WBP1L: variants seen among roughly 807,000 people sequenced by gnomAD.
The protein encoded by WBP1L is WW domain binding protein 1-like.
WBP1L carries 17 observed loss-of-function variants against 33.7 expected under a neutral mutation model. That is an observed-to-expected ratio of 0.50 (90% CI 0.34 to 0.76). The LOEUF is 0.76. Among genes scored for constraint, WBP1L ranks in the 30% least tolerant of loss-of-function variants. The pLI, the probability that WBP1L is intolerant of heterozygous loss-of-function variation, is 0.01. For missense variants in WBP1L, 389 were observed against 469.4 expected (o/e 0.83, Z 1.58); for synonymous variants, 173 against 190.8 (o/e 0.91, Z 0.77).
chr10:102,760,352 GTTTCTTTCTTTC>G (rs199961327), intron 1 of WBP1L, among the ~76,000 whole-genome samples: 3 of 139,470 alleles, frequency 2.2e-5, no homozygotes, highest in Non-Finnish European at 4.6e-5. Flanking sequence ...AGCCTTCCTT[GTTTCTTTCTTTC>G]TTTCTTTCTT....
intron 1 of WBP1L, chr10:102,744,474 G>A: frequency 1.0e-6 from 1 of 985,364 alleles, no homozygotes; most frequent in Non-Finnish European, 1.2e-6. Context: ...TGGAGCAGGT[G>A]TCCCAGGCAG....
intron 1 of WBP1L, among the ~76,000 whole-genome samples, chr10:102,792,603 T>C (rs552024309): frequency 6.7e-6 from 1 of 148,730 alleles, no homozygotes; most frequent in Admixed American, 6.7e-5. Context: ...TTTTTTTTTT[T>C]TTTTTTTTGA....
chr10:102,773,830 A>G (rs1047400637), intron 1 of WBP1L, among the ~76,000 whole-genome samples: 2 of 151,518 alleles, frequency 1.3e-5, no homozygotes, highest in Non-Finnish European at 2.9e-5. Context: ...GCCTAGGGTG[A>G]CAGAACAAAA....
At chr10:102,753,732 C>G (rs555418058) in intron 1 of WBP1L, among the ~76,000 whole-genome samples, 51 of 152,248 alleles carry the variant, frequency 3.3e-4, no homozygotes, top group Admixed American at 7.8e-4. Flanking sequence ...TTCAAGATCT[C>G]AGGTGTTTAA....
At chr10:102,745,525 C>T (rs1008336119) in intron 1 of WBP1L, among the ~76,000 whole-genome samples, 2 of 152,182 alleles carry the variant, frequency 1.3e-5, no homozygotes, top group African/African-American at 4.8e-5. Context: ...TTTATCTATT[C>T]TGGATATTTT....
intron 1 of WBP1L, among the ~76,000 whole-genome samples, chr10:102,774,246 G>A (rs138397145): frequency 2.4e-3 from 372 of 152,340 alleles, no homozygotes; most frequent in Non-Finnish European, 4.4e-3. Flanking sequence ...CTGGGCGGCT[G>A]TGCCTTGATG....
chr10:102,769,652 A>G (rs978360490), intron 1 of WBP1L, among the ~76,000 whole-genome samples: 13 of 152,312 alleles, frequency 8.5e-5, no homozygotes, highest in African/African-American at 3.1e-4. Context: ...TATGTGTCCA[A>G]GCCATTTTGG....
chr10:102,752,062 C>G (rs1441104350), intron 1 of WBP1L, among the ~76,000 whole-genome samples: 1 of 152,098 alleles, frequency 6.6e-6, no homozygotes, highest in Non-Finnish European at 1.5e-5. Flanking sequence ...TGTTCTATGT[C>G]TGAATTTAGG....
intron 1 of WBP1L, among the ~76,000 whole-genome samples, chr10:102,792,493 C>T (rs529881693): frequency 6.6e-6 from 1 of 152,180 alleles, no homozygotes; most frequent in East Asian, 1.9e-4. Flanking sequence ...TCTACTACTT[C>T]TACCATCTCC....
In WBP1L at chr10:102,743,956, GGAAAA is replaced by G; in HGVS notation, c.-94_-90del. ...GGAAGCGGGAGGGGAGCGTCAAACA[GGAAAA>G]GAAGGGAAGAAGGAAGAAGAGGGTA... On this transcript the variant is annotated 5_prime_UTR_variant, in exon 1 of 4. Transcript: ENST00000448841. 1.0e-6 allele frequency: 1 copy of G among 989,482 alleles called. No homozygotes were observed. Among genetic ancestry groups the G allele is most frequent in the Non-Finnish European group, 1.5e-6 (1 of 673,530 alleles). 61.3% of individuals were successfully genotyped at this position (989,482 alleles called of 1,614,324 possible).
In WBP1L at chr10:102,813,322, C is replaced by G. The variant is rs1005019726; in HGVS notation, c.1083C>G (p.Ser361=). 8 of 1,607,444 alleles carry G rather than the reference C, an allele frequency of 5.0e-6. No individual in the cohort carries two copies. The highest frequency in any genetic ancestry group is 6.0e-6 in the Non-Finnish European group (7 of 1,176,204). The stretch of plus-strand genomic sequence containing the variant: ...CTCCCAACTCCCAGAGCAGCAGCTC[C>G]CCCAGCTAGAGCAGGTCCTGCCAGC... ...QDSPNSQSSS[S]PS Residue 361 remains serine (S), a synonymous_variant, in exon 4 of 4, where the codon TCC becomes TCG. Coordinates refer to ENST00000448841, the MANE Select transcript of WBP1L (RefSeq NM_001083913.2).
At chr10:102,808,378 A>T (rs1277258948) in intron 2 of WBP1L, among the ~76,000 whole-genome samples, 4 of 152,226 alleles carry the variant, frequency 2.6e-5, no homozygotes, top group East Asian at 1.9e-4. Flanking sequence ...AAAAAAATTT[A>T]AAAGCCTTTT....
chr10:102,812,930 G>A lies in WBP1L; in HGVS notation c.691G>A (p.Ala231Thr). The change falls in exon 4 of 4, where the codon GCC becomes ACC. Residue 231 changes from alanine to threonine, a missense_variant. Ala to Thr is a moderately conservative substitution (Grantham distance 58, BLOSUM62 0). Coordinates refer to ENST00000448841, the MANE Select transcript of WBP1L (RefSeq NM_001083913.2). ...VAGLGELDPG[A>T]FLDKDAECRE... is the part of the protein sequence containing the mutation. Reference sequence around the variant, plus strand: ...TGGCCTGGGGGAGCTGGACCCGGGGGCCTTCCTGGACAAAGATGCAGAATG... The same window carrying A: ...TGGCCTGGGGGAGCTGGACCCGGGGACCTTCCTGGACAAAGATGCAGAATG... 1 of 1,593,966 alleles carries A rather than the reference G, an allele frequency of 6.3e-7. No individual in the cohort carries two copies. The highest frequency in any genetic ancestry group is 8.6e-7 in the Non-Finnish European group (1 of 1,167,292).
rs773650848 is a variant in WBP1L, at chr10:102,813,104, G to A, written c.865G>A (p.Glu289Lys). ...NRGHHDDDLK[E>K]FNTLIDDALD... ...GGGCCACCATGACGATGACCTCAAA[G>A]AGTTCAACACACTCATCGATGATGC... Residue 289 changes from glutamate (E) to lysine (K), a missense_variant, in exon 4 of 4, where the codon GAG becomes AAG. Coordinates refer to ENST00000448841, the MANE Select transcript of WBP1L (RefSeq NM_001083913.2). The A allele has an allele frequency of 1.2e-6, 2 of 1,613,888 alleles. No individual in the cohort carries two copies. Among genetic ancestry groups the A allele is most frequent in the Admixed American group, 3.3e-5 (2 of 60,000 alleles).
At chr10:102,756,384 T>C (rs1590167144) in intron 1 of WBP1L, among the ~76,000 whole-genome samples, 2 of 152,132 alleles carry the variant, frequency 1.3e-5, no homozygotes, top group South Asian at 2.1e-4. Context: ...TACTCCAGCC[T>C]GGGTGACAGA....
At chr10:102,744,495 T>C in intron 1 of WBP1L, 1 of 985,202 alleles carries the variant, frequency 1.0e-6, no homozygotes, top group Non-Finnish European at 1.2e-6. Context: ...TAATGCAGTA[T>C]GTACGTCTGT....
At chr10:102,807,175 A>G (rs931891191) in intron 2 of WBP1L, among the ~76,000 whole-genome samples, 1 of 152,242 alleles carries the variant, frequency 6.6e-6, no homozygotes, top group Admixed American at 6.5e-5. Flanking sequence ...AAACAATATT[A>G]TCTATTCTCA....
At chr10:102,747,746 G>A (rs911724164) in intron 1 of WBP1L, among the ~76,000 whole-genome samples, 4 of 152,044 alleles carry the variant, frequency 2.6e-5, no homozygotes, top group Non-Finnish European at 5.9e-5. Context: ...CAGGCCGGTC[G>A]CAAACTCCTG....
At chr10:102,763,583 A>G (rs1332347165) in intron 1 of WBP1L, among the ~76,000 whole-genome samples, 2 of 152,246 alleles carry the variant, frequency 1.3e-5, no homozygotes. Flanking sequence ...GTTTAAAGGA[A>G]AGTCTCCCCC....
Sources: allele counts gnomAD v4.1 joint callset (sites outside exome capture counted in the v4.1 genomes callset), GRCh38; gene constraint gnomAD v4.1.1; transcripts MANE v1.5; gene names NCBI Gene and HGNC (gene_info 2026-07-23, HGNC 2026-07-21).